The following BMP2K variants were observed in gnomAD, a reference collection of about 807,000 sequenced individuals.
BMP2K encodes the protein BMP-2-inducible protein kinase.
In BMP2K, 74 loss-of-function variants were observed where a neutral mutation model predicts 116.0. That is an observed-to-expected ratio of 0.64 (90% CI 0.53 to 0.77). BMP2K has a LOEUF of 0.77. Among genes scored for constraint, BMP2K ranks in the 30% least tolerant of loss-of-function variants. The pLI is 0.00. For synonymous variants in BMP2K, 486 were observed against 502.5 expected (o/e 0.97, Z 0.44); for missense variants, 1,365 against 1,403.6 (o/e 0.97, Z 0.44).
chr4:78,904,508 T>A (rs1342928908), intron 15 of BMP2K, among the ~76,000 whole-genome samples: 2 of 151,922 alleles, frequency 1.3e-5, no homozygotes, highest in African/African-American at 4.8e-5. Flanking sequence ...ACAAGATAAT[T>A]TAAAACTTTA....
At chr4:78,782,529 T>C (rs1727553692) in intron 1 of BMP2K, among the ~76,000 whole-genome samples, 1 of 152,220 alleles carries the variant, frequency 6.6e-6, no homozygotes, top group African/African-American at 2.4e-5. Flanking sequence ...AATGGAGGGC[T>C]CTTTACTGGA....
At chr4:78,834,419 G>A (rs1357362084) in intron 3 of BMP2K, among the ~76,000 whole-genome samples, 3 of 151,944 alleles carry the variant, frequency 2.0e-5, no homozygotes, top group African/African-American at 4.8e-5. Flanking sequence ...CCGCCACGAC[G>A]CTCGGCTAAT....
intron 2 of BMP2K, 136 bp from the exon 3 acceptor site, chr4:78,833,446 A>G: frequency 1.9e-6 from 1 of 516,614 alleles, no homozygotes; most frequent in Non-Finnish European, 3.2e-6. Flanking sequence ...TGCTTGCTTG[A>G]AATATGTTAG....
chr4:78,792,509 A>G (rs1490840564), intron 1 of BMP2K, among the ~76,000 whole-genome samples: 1 of 152,242 alleles, frequency 6.6e-6, no homozygotes, highest in Non-Finnish European at 1.5e-5. Flanking sequence ...TGTCACTTCG[A>G]GGAAAACAAA....
At chr4:78,829,661 A>G (rs1730057067) in intron 2 of BMP2K, among the ~76,000 whole-genome samples, 1 of 152,162 alleles carries the variant, frequency 6.6e-6, no homozygotes, top group South Asian at 2.1e-4. Flanking sequence ...GTCTTAAGAA[A>G]TATATTTTTT....
chr4:78,881,717 T>C (rs1732890618), intron 14 of BMP2K, among the ~76,000 whole-genome samples: 1 of 152,070 alleles, frequency 6.6e-6, no homozygotes, highest in Non-Finnish European at 1.5e-5. Context: ...AGACTAATTG[T>C]TCAATGAAAA....
At chr4:78,850,786 A>T (rs1320742970) in intron 6 of BMP2K, 138 bp from the exon 7 acceptor site, 15 of 750,330 alleles carry the variant, frequency 2.0e-5, no homozygotes, top group Non-Finnish European at 2.7e-5. Flanking sequence ...AAATATATTA[A>T]TTTTTTTAAG....
At chr4:78,885,798 G>C (rs954864200) in intron 14 of BMP2K, among the ~76,000 whole-genome samples, 1 of 152,162 alleles carries the variant, frequency 6.6e-6, no homozygotes, top group African/African-American at 2.4e-5. Context: ...TCAGAGGCTA[G>C]AGAGACATCC....
At chr4:78,835,268 TCAAGCTCTGTGG>T (rs1244363470) in intron 3 of BMP2K, among the ~76,000 whole-genome samples, 1 of 152,186 alleles carries the variant, frequency 6.6e-6, no homozygotes, top group Non-Finnish European at 1.5e-5. Context: ...ATTCAAATCA[TCAAGCTCTGTGG>T]TATATGAAAT....
At chr4:78,832,693 T>C (rs1730268364) in intron 2 of BMP2K, among the ~76,000 whole-genome samples, 1 of 152,058 alleles carries the variant, frequency 6.6e-6, no homozygotes, top group Non-Finnish European at 1.5e-5. Context: ...TTGAGAGATA[T>C]GATGTATAAG....
rs1291126797 is a variant in BMP2K at position 78,861,543 on chromosome 4, A to G, written c.1067+75A>G. On this transcript the variant is annotated intron_variant, in intron 9 of 15. Coordinates refer to ENST00000502613, the MANE Select transcript of BMP2K (RefSeq NM_198892.2). ...TCTTGTTTTTAATCCTAGCAAGTGTAATTGATTAAATATCATCTTCATCCA... is the reference window on the plus strand; with the variant it reads ...TCTTGTTTTTAATCCTAGCAAGTGTGATTGATTAAATATCATCTTCATCCA... 16 of 1,150,376 alleles carry G rather than the reference A, an allele frequency of 1.4e-5. No individual in the cohort carries two copies. In the South Asian group the frequency reaches 1.8e-4, roughly 13 times the overall value. 71.3% of individuals were successfully genotyped at this position (1,150,376 alleles called of 1,614,324 possible).
At chr4:78,782,880 C>T (rs965787433) in intron 1 of BMP2K, among the ~76,000 whole-genome samples, 2 of 152,152 alleles carry the variant, frequency 1.3e-5, no homozygotes, top group African/African-American at 2.4e-5. Context: ...ACTTACTCAG[C>T]ACCCTTTTTT....
chr4:78,830,474 CAA>C (rs1170658812), intron 2 of BMP2K, among the ~76,000 whole-genome samples: 1 of 152,178 alleles, frequency 6.6e-6, no homozygotes. Context: ...TTGCCCTTAA[CAA>C]GAGAGTTAAC....
intron 1 of BMP2K, among the ~76,000 whole-genome samples, chr4:78,789,088 T>A (rs1049343918): frequency 6.6e-6 from 1 of 152,018 alleles, no homozygotes; most frequent in African/African-American, 2.4e-5. Context: ...ACAGAAAATA[T>A]CCTGAGTATT....
At chr4:78,897,622 T>C (rs962043715) in intron 15 of BMP2K, among the ~76,000 whole-genome samples, 2 of 152,214 alleles carry the variant, frequency 1.3e-5, no homozygotes, top group Non-Finnish European at 2.9e-5. Context: ...TTTTTGATCC[T>C]TTTTCTTGCT....
chr4:78,850,625 A>G (rs1310005450), intron 6 of BMP2K, among the ~76,000 whole-genome samples: 1 of 151,898 alleles, frequency 6.6e-6, no homozygotes, highest in African/African-American at 2.4e-5. Context: ...TATTAAGTAT[A>G]TATTTTCCTT....
intron 1 of BMP2K, among the ~76,000 whole-genome samples, chr4:78,796,196 G>A (rs1578473721): frequency 6.6e-6 from 1 of 152,050 alleles, no homozygotes; most frequent in Non-Finnish European, 1.5e-5. Flanking sequence ...ATACACCATG[G>A]AATACTATGC....
At chr4:78,867,184 GAAAAA>G (rs1042973802) in intron 10 of BMP2K, among the ~76,000 whole-genome samples, 1 of 150,310 alleles carries the variant, frequency 6.7e-6, no homozygotes, top group East Asian at 1.9e-4. Context: ...AAAAAAAAAA[GAAAAA>G]AAGAAAAAAA....
chr4:78,776,586 GGCGGCGGA>G lies in BMP2K; in HGVS notation c.51_58del (p.Ala18TrpfsTer65). The G allele has an allele frequency of 8.6e-7, 1 of 1,168,150 alleles. No homozygotes were observed. Among genetic ancestry groups the G allele is most frequent in the Non-Finnish European group, 1.1e-6 (1 of 942,674 alleles). The allele number at this position is 1,168,150 out of a possible 1,614,324, so 72.4% of individuals were successfully genotyped here. On this transcript the variant is annotated frameshift_variant, in exon 1 of 16. Transcript: ENST00000502613. LOFTEE classifies it high-confidence loss of function. Reference sequence around the variant, plus strand: ...GATGCCCAAGTCGGAGGGCGGCAGCGGCGGCGGAGCGGCGGGTGGCGGGGCTGGCGGGG... The same window carrying G: ...GATGCCCAAGTCGGAGGGCGGCAGCGGCGGCGGGTGGCGGGGCTGGCGGGG...
Sources: allele counts gnomAD v4.1 joint callset (sites outside exome capture counted in the v4.1 genomes callset), GRCh38; gene constraint gnomAD v4.1.1; transcripts MANE v1.5; gene names NCBI Gene and HGNC (gene_info 2026-07-23, HGNC 2026-07-21).